Variants in COL24A1 observed in about 807,000 individuals in gnomAD.
The protein encoded by COL24A1 is collagen alpha-1(XXIV) chain.
In COL24A1, 224 loss-of-function variants were observed where a neutral mutation model predicts 253.9. That is an observed-to-expected ratio of 0.88 (90% CI 0.79 to 0.99). The LOEUF (loss-of-function observed/expected upper bound fraction) is 0.99, where lower values mean the gene tolerates loss of function less well. Among genes scored for constraint, COL24A1 ranks in the 50% least tolerant of loss-of-function variants. The pLI is 0.00. For synonymous variants in COL24A1, 685 were observed against 673.7 expected, an observed-to-expected ratio of 1.02 and a Z score of -0.26; for missense variants, 2,131 against 2,068.5, an observed-to-expected ratio of 1.03 and a Z score of -0.59.
intron 43 of COL24A1, among the ~76,000 whole-genome samples, chr1:85,829,461 T>C (rs868239798): frequency 0.021 from 3,145 of 151,700 alleles, 113 homozygotes; most frequent in African/African-American, 0.072. Flanking sequence ...TGAATCTGAA[T>C]GTTGGCCTGC....
chr1:85,764,917 C>T (rs1667208464), intron 53 of COL24A1, among the ~76,000 whole-genome samples: 1 of 152,044 alleles, frequency 6.6e-6, no homozygotes, highest in African/African-American at 2.4e-5. Context: ...TGACCTACCT[C>T]ATGTTTTTTA....
intron 7 of COL24A1, among the ~76,000 whole-genome samples, chr1:86,078,284 G>A (rs1702398175): frequency 6.6e-6 from 1 of 152,014 alleles, no homozygotes; most frequent in South Asian, 2.1e-4. Flanking sequence ...CTCAAAAACT[G>A]GATATAAACG....
At chr1:85,898,243 C>A (rs1170546901) in intron 28 of COL24A1, among the ~76,000 whole-genome samples, 1 of 152,098 alleles carries the variant, frequency 6.6e-6, no homozygotes, top group Non-Finnish European at 1.5e-5. Flanking sequence ...TGAAGGAGTC[C>A]TTTAGGCTTC....
chr1:85,773,516 T>C (rs1002208128), intron 53 of COL24A1, among the ~76,000 whole-genome samples: 1 of 152,240 alleles, frequency 6.6e-6, no homozygotes, highest in South Asian at 2.1e-4. Context: ...GGAATGTTTT[T>C]CCATTTGTTT....
chr1:85,826,148 G>A (rs1328434584), intron 43 of COL24A1, among the ~76,000 whole-genome samples: 2 of 141,092 alleles, frequency 1.4e-5, no homozygotes, highest in Admixed American at 7.3e-5. Context: ...TATATGGCTA[G>A]CCAGTTTTCC....
chr1:85,806,111 A>G (rs951630692), intron 47 of COL24A1, among the ~76,000 whole-genome samples: 4 of 151,662 alleles, frequency 2.6e-5, no homozygotes, highest in African/African-American at 7.3e-5. Context: ...ATAGAAATAT[A>G]TATTTCCTCC....
intron 50 of COL24A1, among the ~76,000 whole-genome samples, 200 bp downstream of exon 50, chr1:85,783,913 A>T (rs767817968): frequency 2.6e-5 from 4 of 152,172 alleles, no homozygotes; most frequent in Non-Finnish European, 4.4e-5. Context: ...AGAAAACAAA[A>T]TCATATCATA....
chr1:85,901,334 A>G (rs1403554606), intron 28 of COL24A1, among the ~76,000 whole-genome samples: 4 of 152,320 alleles, frequency 2.6e-5, no homozygotes, highest in African/African-American at 9.6e-5. Flanking sequence ...GAAAATGGAA[A>G]TCAAAACCAC....
chr1:85,791,674 T>C (rs1021449344), intron 47 of COL24A1, among the ~76,000 whole-genome samples: 1 of 152,160 alleles, frequency 6.6e-6, no homozygotes, highest in African/African-American at 2.4e-5. Context: ...AATCAGTATA[T>C]TCAATGAAAA....
intron 12 of COL24A1, among the ~76,000 whole-genome samples, chr1:86,044,172 C>A (rs1043856424): frequency 6.6e-6 from 1 of 152,138 alleles, no homozygotes; most frequent in Non-Finnish European, 1.5e-5. Flanking sequence ...GACCATGATT[C>A]TCATGGAATT....
At chr1:85,955,195 G>C (rs953753066) in intron 24 of COL24A1, among the ~76,000 whole-genome samples, 3 of 152,206 alleles carry the variant, frequency 2.0e-5, no homozygotes, top group African/African-American at 7.2e-5. Flanking sequence ...ATGGAATTCA[G>C]TTGGTGTAGT....
intron 37 of COL24A1, among the ~76,000 whole-genome samples, chr1:85,862,700 T>C (rs530026188): frequency 6.6e-6 from 1 of 152,316 alleles, no homozygotes; most frequent in African/African-American, 2.4e-5. Flanking sequence ...CTGTTCAGAA[T>C]AAACAAGCCT....
At chr1:85,951,278 T>C (rs1689889996) in intron 24 of COL24A1, among the ~76,000 whole-genome samples, 1 of 152,168 alleles carries the variant, frequency 6.6e-6, no homozygotes, top group Admixed American at 6.5e-5. Flanking sequence ...AAACAATGAA[T>C]GCTAAGAACC....
chr1:85,921,328 A>C (rs927925281), intron 24 of COL24A1, among the ~76,000 whole-genome samples: 1 of 152,210 alleles, frequency 6.6e-6, no homozygotes, highest in African/African-American at 2.4e-5. Flanking sequence ...AGCCTTGCTC[A>C]CTGCTAGAGC....
At chr1:86,085,779 TAAGGCAA>T (rs1417972186) in intron 7 of COL24A1, among the ~76,000 whole-genome samples, 5 of 152,196 alleles carry the variant, frequency 3.3e-5, no homozygotes, top group African/African-American at 1.2e-4. Flanking sequence ...GTAGCTAAGT[TAAGGCAA>T]AATAACCAGT....
intron 19 of COL24A1, among the ~76,000 whole-genome samples, chr1:85,990,279 C>T (rs2100953323): frequency 6.6e-6 from 1 of 152,324 alleles, no homozygotes; most frequent in Middle Eastern, 3.4e-3. Flanking sequence ...GCCTGGAACA[C>T]ACTATCACAG....
rs181396483 is a variant in COL24A1 at position 86,012,342 on chromosome 1, C to A, written c.2310+4809G>T. ...CGGTGGCTCACCCCTGTAATCCCAG[C>A]ACTTTGGGAGGCCGAGGTGGGCAGA... is the stretch of plus-strand genomic sequence containing the variant. On this transcript the variant is annotated intron_variant, in intron 19 of 59. Coordinates refer to ENST00000370571, the MANE Select transcript of COL24A1 (RefSeq NM_152890.7). Among the ~76,000 whole-genome samples the A allele has an allele frequency of 2.4e-3, 364 of 152,274 alleles. 1 individual carries two copies. The highest frequency in any genetic ancestry group is 0.02 in the Middle Eastern group (6 of 294).
chr1:86,015,809 T>C (rs961595809), intron 19 of COL24A1, among the ~76,000 whole-genome samples: 2 of 152,024 alleles, frequency 1.3e-5, no homozygotes, highest in African/African-American at 2.4e-5. Flanking sequence ...ATCAATATAC[T>C]ACTGTATTTT....
At chr1:85,944,135 C>T (rs953701703) in intron 24 of COL24A1, among the ~76,000 whole-genome samples, 2 of 152,214 alleles carry the variant, frequency 1.3e-5, no homozygotes, top group African/African-American at 4.8e-5. Context: ...AGTAGTGACT[C>T]ACTGCAGCTT....
Sources: allele counts gnomAD v4.1 joint callset (sites outside exome capture counted in the v4.1 genomes callset), GRCh38; gene constraint gnomAD v4.1.1; transcripts MANE v1.5; gene names NCBI Gene and HGNC (gene_info 2026-07-23, HGNC 2026-07-21).